The following GCNT2 variants were observed in gnomAD, a reference collection of about 807,000 sequenced individuals.
GCNT2 encodes the protein N-acetyllactosaminide beta-1,6-N-acetylglucosaminyl-transferase.
GCNT2 carries 34 observed loss-of-function variants against 34.2 expected under a neutral mutation model. The observed-to-expected ratio is 1.00, with a 90% CI of 0.76 to 1.32. GCNT2 has a LOEUF of 1.32. Ranked by LOEUF, GCNT2 falls within the 40% of genes most tolerant of loss-of-function variation. The pLI, the probability that GCNT2 is intolerant of heterozygous loss-of-function variation, is 0.00. For missense variants in GCNT2, 584 were observed against 489.4 expected (o/e 1.19, Z -1.82); for synonymous variants, 212 against 188.0 (o/e 1.13, Z -1.04).
At chr6:10,585,610 G>A (rs1036727976) in intron 3 of GCNT2, 8 of 307,680 alleles carry the variant, frequency 2.6e-5, no homozygotes, top group Non-Finnish European at 4.8e-5. Flanking sequence ...GGTGAAGCAA[G>A]AGAAACTCGG....
intron 3 of GCNT2, among the ~76,000 whole-genome samples, chr6:10,569,076 G>T (rs769563408): frequency 6.6e-6 from 1 of 151,866 alleles, no homozygotes; most frequent in Non-Finnish European, 1.5e-5. Flanking sequence ...TGTATTTTTG[G>T]CAGTCCAGCA....
At chr6:10,587,051 C>CCA in intron 3 of GCNT2, 2 of 694,614 alleles carry the variant, frequency 2.9e-6, no homozygotes, top group Non-Finnish European at 5.0e-6. Flanking sequence ...CTTGTAGCAA[C>CCA]AGTGTATTGC....
chr6:10,572,190 T>C (rs1763582232), intron 3 of GCNT2, among the ~76,000 whole-genome samples: 1 of 152,104 alleles, frequency 6.6e-6, no homozygotes, highest in Non-Finnish European at 1.5e-5. Context: ...GGATGAAGAA[T>C]TCAGTGCCCA....
At chr6:10,563,781 T>A (rs1205124066) in intron 3 of GCNT2, among the ~76,000 whole-genome samples, 90 of 53,378 alleles carry the variant, frequency 1.7e-3, no homozygotes, top group African/African-American at 7.1e-3. Context: ...AAAAAAAATA[T>A]ATATATATAT....
At chr6:10,538,532 C>T (rs1289746589) in intron 3 of GCNT2, among the ~76,000 whole-genome samples, 4 of 148,128 alleles carry the variant, frequency 2.7e-5, no homozygotes, top group Non-Finnish European at 5.9e-5. Flanking sequence ...AATATAAACC[C>T]TGATAGATCT....
chr6:10,621,689 T>C (rs1766045063), intron 4 of GCNT2: 3 of 459,938 alleles, frequency 6.5e-6, no homozygotes, highest in South Asian at 6.2e-5. Context: ...GGCGGCATGT[T>C]TTTCTTCCTG....
At chr6:10,560,387 G>A (rs1220519880) in intron 3 of GCNT2, among the ~76,000 whole-genome samples, 1 of 152,086 alleles carries the variant, frequency 6.6e-6, no homozygotes, top group South Asian at 2.1e-4. Context: ...CACTGCGCCG[G>A]GCTGAGCTCT....
At chr6:10,553,607 A>G (rs1443365653) in intron 3 of GCNT2, among the ~76,000 whole-genome samples, 1 of 152,216 alleles carries the variant, frequency 6.6e-6, no homozygotes, top group Non-Finnish European at 1.5e-5. Flanking sequence ...AAAAATCATT[A>G]AATAGGCCGG....
rs1424171404 is a variant in GCNT2, at chr6:10,627,778, T to C, written c.*1171T>C. 1.3e-5 allele frequency: 2 copies of C among 152,292 alleles called. No homozygotes were observed. Among genetic ancestry groups the C allele is most frequent in the East Asian group, 3.9e-4 (2 of 5,178 alleles). 9.4% of individuals were successfully genotyped at this position (152,292 alleles called of 1,614,324 possible). A position where few individuals can be genotyped will look rare whatever the true frequency, so the allele number is the denominator to read the frequency against. ...AGAATCTTACAGAGTGATTGTAGTT[T>C]AATACAGGAACACACAGGGCTGTGT... On this transcript the variant is annotated 3_prime_UTR_variant, in exon 5 of 5. Transcript: ENST00000495262.
intron 3 of GCNT2, among the ~76,000 whole-genome samples, chr6:10,595,241 CAGGAA>C (rs1764803543): frequency 6.6e-6 from 1 of 151,864 alleles, no homozygotes; most frequent in African/African-American, 2.4e-5. Flanking sequence ...AGTCATATCA[CAGGAA>C]AGGAGCAGGA....
chr6:10,582,330 A>T, intron 3 of GCNT2, among the ~76,000 whole-genome samples: 1 of 106,748 alleles, frequency 9.4e-6, no homozygotes, highest in Non-Finnish European at 1.7e-5. Context: ...TAAATATAAT[A>T]TATACTATAT....
intron 3 of GCNT2, among the ~76,000 whole-genome samples, chr6:10,612,218 C>T (rs899145025): frequency 1.3e-5 from 2 of 152,040 alleles, no homozygotes; most frequent in Non-Finnish European, 1.5e-5. Flanking sequence ...AACTCCTGAC[C>T]TCAGGTAATC....
chr6:10,586,402 A>C, intron 3 of GCNT2: 1 of 1,614,190 alleles, frequency 6.2e-7, no homozygotes, highest in Non-Finnish European at 8.5e-7. Context: ...GAGTATAAGG[A>C]ATCTGTGAGG....
intron 1 of GCNT2, among the ~76,000 whole-genome samples, chr6:10,523,465 T>G (rs181934008): frequency 6.6e-6 from 1 of 151,776 alleles, no homozygotes; most frequent in African/African-American, 2.4e-5. Flanking sequence ...CTTTCTCTTA[T>G]AGTTTCCTAT....
intron 3 of GCNT2, chr6:10,557,093 A>G: frequency 6.3e-7 from 1 of 1,584,606 alleles, no homozygotes; most frequent in Non-Finnish European, 8.6e-7. Context: ...AGCTCATGCA[A>G]TTGGACGGAC....
At chr6:10,577,973 C>T (rs1712730518) in intron 3 of GCNT2, among the ~76,000 whole-genome samples, 2 of 152,220 alleles carry the variant, frequency 1.3e-5, no homozygotes, top group African/African-American at 4.8e-5. Flanking sequence ...GACCACCCCT[C>T]ACTGATTCAC....
intron 3 of GCNT2, among the ~76,000 whole-genome samples, chr6:10,578,445 C>CTTTTTTTTT (rs1211582798): frequency 2.9e-5 from 3 of 103,948 alleles, no homozygotes; most frequent in African/African-American, 4.1e-5. Flanking sequence ...AGCTTACATT[C>CTTTTTTTTT]TTTTTTTTTT....
chr6:10,590,744 T>C (rs1764603435), intron 3 of GCNT2, among the ~76,000 whole-genome samples: 1 of 152,020 alleles, frequency 6.6e-6, no homozygotes, highest in African/African-American at 2.4e-5. Context: ...AGTAGAGACA[T>C]GGTTTCACCA....
chr6:10,582,859 G>A (rs572197922), intron 3 of GCNT2, among the ~76,000 whole-genome samples: 2 of 152,042 alleles, frequency 1.3e-5, no homozygotes, highest in South Asian at 2.1e-4. Flanking sequence ...CCAGGTGCCC[G>A]GATTCTTGCC....
Sources: gnomAD v4.1 joint callset for allele counts (sites outside exome capture counted in the v4.1 genomes callset) on GRCh38, gnomAD v4.1.1 for gene constraint, MANE v1.5 for transcripts, NCBI Gene and HGNC (gene_info 2026-07-23, HGNC 2026-07-21) for gene names.